The following KCNQ3 variants were observed in gnomAD, a reference collection of about 807,000 sequenced individuals.
KCNQ3 encodes potassium voltage-gated channel subfamily Q member 3.
Under a neutral mutation model 92.5 loss-of-function variants are expected in KCNQ3, and 30 were observed. The ratio of observed to expected loss-of-function variants is 0.32; its 90% CI spans 0.24 to 0.44. The LOEUF is 0.44. KCNQ3 is among the 20% of genes least tolerant of loss of function. The probability of loss-of-function intolerance (pLI) is 1.00; values close to 1 mark genes in which losing one functional copy is unlikely to be tolerated. For missense variants in KCNQ3, 913 were observed against 1,140.3 expected (o/e 0.80, Z 2.87); for synonymous variants, 450 against 468.8 (o/e 0.96, Z 0.52).
intron 9 of KCNQ3, among the ~76,000 whole-genome samples, chr8:132,141,799 A>G (rs1825305456): frequency 6.6e-6 from 1 of 152,160 alleles, no homozygotes; most frequent in Non-Finnish European, 1.5e-5. Flanking sequence ...AGCACTCTTA[A>G]TTTGGTGTCC....
intron 1 of KCNQ3, among the ~76,000 whole-genome samples, chr8:132,340,544 A>T (rs1020171256): frequency 1.3e-5 from 2 of 152,134 alleles, no homozygotes; most frequent in African/African-American, 4.8e-5. Flanking sequence ...TCTCACTCAT[A>T]AGTGGGAGTT....
intron 1 of KCNQ3, among the ~76,000 whole-genome samples, chr8:132,187,903 A>ATGGTGGTGGTGGTGGTGGTGGTGG (rs1253337459): frequency 1.8e-5 from 1 of 55,144 alleles, no homozygotes; most frequent in Non-Finnish European, 3.7e-5. Flanking sequence ...GGTGGTGGTG[A>ATGGTGGTGGTGGTGGTGGTGGTGG]TGGTGGTGGT....
At position 132,172,709 on chromosome 8, in the gene KCNQ3, G is replaced by A. The variant is rs747571159; in HGVS notation, c.1045-16C>T. On this transcript the variant is annotated splice_polypyrimidine_tract_variant and intron_variant, in intron 6 of 14. Transcript: ENST00000388996. ...CCAGGATGCCCTGGAGGGAGAGGCA[G>A]GCAGGCAGTCAGCCCCCAGCTAGAC... 6.3e-7 allele frequency: 1 copy of A among 1,598,464 alleles called. No individual in the cohort carries two copies. The highest frequency in any genetic ancestry group is 1.1e-5 in the South Asian group (1 of 90,802).
At chr8:132,146,986 A>T (rs1384931609) in intron 9 of KCNQ3, among the ~76,000 whole-genome samples, 1 of 152,218 alleles carries the variant, frequency 6.6e-6, no homozygotes, top group Non-Finnish European at 1.5e-5. Context: ...AATGGTTAAG[A>T]TAGCAACATT....
chr8:132,316,919 T>C (rs562940548), intron 1 of KCNQ3, among the ~76,000 whole-genome samples: 4 of 152,352 alleles, frequency 2.6e-5, no homozygotes, highest in African/African-American at 9.6e-5. Flanking sequence ...GGTGGTATTT[T>C]AATGAGAAGT....
At chr8:132,385,214 T>C (rs894780400) in intron 1 of KCNQ3, among the ~76,000 whole-genome samples, 1 of 152,258 alleles carries the variant, frequency 6.6e-6, no homozygotes, top group Non-Finnish European at 1.5e-5. Flanking sequence ...GTGAAGTCAG[T>C]TGAGGCCTTT....
At chr8:132,393,028 C>A (rs888800203) in intron 1 of KCNQ3, among the ~76,000 whole-genome samples, 3 of 152,092 alleles carry the variant, frequency 2.0e-5, no homozygotes, top group Non-Finnish European at 4.4e-5. Context: ...CGGTCCCCAG[C>A]ATGAAGCACA....
chr8:132,430,089 G>C (rs887302060), intron 1 of KCNQ3, among the ~76,000 whole-genome samples: 5 of 152,132 alleles, frequency 3.3e-5, no homozygotes, highest in African/African-American at 1.2e-4. Context: ...GCAGCTGACT[G>C]TCATTCCAAA....
chr8:132,187,616 CGAT>C (rs1563795307), intron 1 of KCNQ3, among the ~76,000 whole-genome samples: 3 of 150,228 alleles, frequency 2.0e-5, no homozygotes, highest in South Asian at 4.2e-4. Context: ...TCTCAGTTGA[CGAT>C]GATGATGGTG....
chr8:132,470,639 A>ATC (rs1822277052), intron 1 of KCNQ3, among the ~76,000 whole-genome samples: 2 of 152,260 alleles, frequency 1.3e-5, no homozygotes, highest in African/African-American at 4.8e-5. Flanking sequence ...TTTTGATACA[A>ATC]TAATGTTATC....
intron 1 of KCNQ3, among the ~76,000 whole-genome samples, chr8:132,388,113 G>A (rs1377595220): frequency 3.3e-5 from 5 of 152,092 alleles, no homozygotes; most frequent in Admixed American, 6.5e-5. Flanking sequence ...AAATTCACTG[G>A]AAATAAATCA....
At chr8:132,312,890 C>CTTTTT (rs1817636445) in intron 1 of KCNQ3, among the ~76,000 whole-genome samples, 1 of 152,180 alleles carries the variant, frequency 6.6e-6, no homozygotes, top group African/African-American at 2.4e-5. Flanking sequence ...TCAGGCAGTT[C>CTTTTT]TTTATAGCAG....
chr8:132,298,270 T>G (rs936553745), intron 1 of KCNQ3, among the ~76,000 whole-genome samples: 1 of 152,142 alleles, frequency 6.6e-6, no homozygotes, highest in African/African-American at 2.4e-5. Flanking sequence ...GGTATGAGAT[T>G]TGATGAACAT....
chr8:132,413,286 T>C (rs372765985), intron 1 of KCNQ3, among the ~76,000 whole-genome samples: 1 of 152,242 alleles, frequency 6.6e-6, no homozygotes, highest in South Asian at 2.1e-4. Context: ...ATCCTTCATC[T>C]ATTTGCAGCT....
chr8:132,400,386 C>T (rs973628162), intron 1 of KCNQ3, among the ~76,000 whole-genome samples: 1 of 152,296 alleles, frequency 6.6e-6, no homozygotes, highest in African/African-American at 2.4e-5. Flanking sequence ...CTCAAGTCTG[C>T]GTTTCATACA....
intron 1 of KCNQ3, among the ~76,000 whole-genome samples, chr8:132,377,917 T>C (rs755136158): frequency 2.0e-5 from 3 of 152,090 alleles, no homozygotes; most frequent in East Asian, 1.9e-4. Flanking sequence ...CTGCAGCCCA[T>C]AGGATACCAA....
intron 9 of KCNQ3, among the ~76,000 whole-genome samples, chr8:132,155,168 A>ACAT (rs1342633037): frequency 1.3e-5 from 2 of 152,298 alleles, no homozygotes; most frequent in Non-Finnish European, 2.9e-5. Flanking sequence ...TTCAGCTGAC[A>ACAT]CATCTGCTCC....
intron 1 of KCNQ3, among the ~76,000 whole-genome samples, chr8:132,277,550 G>A (rs148683177): frequency 4.7e-4 from 72 of 152,272 alleles, no homozygotes; most frequent in Middle Eastern, 3.4e-3. Context: ...GGGGAAGACC[G>A]GCTGGGGAGA....
chr8:132,379,401 G>T (rs1819687294), intron 1 of KCNQ3, among the ~76,000 whole-genome samples: 1 of 152,020 alleles, frequency 6.6e-6, no homozygotes, highest in Non-Finnish European at 1.5e-5. Context: ...ATGTTGTTCA[G>T]TTGAGGGTCT....
Sources: gnomAD v4.1 joint callset for allele counts (sites outside exome capture counted in the v4.1 genomes callset) on GRCh38, gnomAD v4.1.1 for gene constraint, MANE v1.5 for transcripts, NCBI Gene and HGNC (gene_info 2026-07-23, HGNC 2026-07-21) for gene names.